Variants in DOK5 observed in about 807,000 individuals in gnomAD.
DOK5 encodes docking protein 5, also known as downstream of tyrosine kinase 5.
Under a neutral mutation model 43.3 loss-of-function variants are expected in DOK5, and 27 were observed. That is an observed-to-expected ratio of 0.62 (90% CI 0.46 to 0.86). DOK5 has a LOEUF of 0.86. Among genes scored for constraint, DOK5 ranks in the 40% least tolerant of loss-of-function variants. DOK5 has a pLI of 0.00. For missense variants in DOK5, 373 were observed against 392.9 expected (o/e 0.95, Z 0.43); for synonymous variants, 146 against 140.1 (o/e 1.04, Z -0.30).
intron 1 of DOK5, among the ~76,000 whole-genome samples, chr20:54,538,396 A>G (rs1357584109): frequency 2.0e-5 from 3 of 152,140 alleles, no homozygotes; most frequent in Admixed American, 2.0e-4. Flanking sequence ...ATGAAGGGGA[A>G]ATCAAGACAC....
intron 5 of DOK5, among the ~76,000 whole-genome samples, chr20:54,606,914 T>A (rs2146789000): frequency 6.6e-6 from 1 of 152,358 alleles, no homozygotes; most frequent in Admixed American, 6.5e-5. Context: ...GAGCTCTTAA[T>A]GCATTTTGTG....
At chr20:54,613,242 ATCTC>A (rs1196798475) in intron 6 of DOK5, among the ~76,000 whole-genome samples, 3 of 146,710 alleles carry the variant, frequency 2.0e-5, no homozygotes, top group Admixed American at 1.4e-4. Flanking sequence ...CTCTCTCGCC[ATCTC>A]TCTCTCTCTC....
intron 7 of DOK5, among the ~76,000 whole-genome samples, chr20:54,649,593 C>T (rs1261346634): frequency 2.0e-5 from 3 of 151,992 alleles, no homozygotes; most frequent in Non-Finnish European, 4.4e-5. Flanking sequence ...TTCACCTAGC[C>T]GTGTACATTT....
intron 5 of DOK5, among the ~76,000 whole-genome samples, chr20:54,600,700 G>GTGAT (rs998014539): frequency 3.3e-5 from 5 of 152,254 alleles, no homozygotes; most frequent in African/African-American, 9.6e-5. Flanking sequence ...GTATGTACGT[G>GTGAT]TGATTGATTG....
At chr20:54,604,108 G>T (rs912559740) in intron 5 of DOK5, among the ~76,000 whole-genome samples, 2 of 151,630 alleles carry the variant, frequency 1.3e-5, no homozygotes, top group Admixed American at 1.3e-4. Context: ...CACCATGCCC[G>T]GCTAATTTTT....
chr20:54,496,891 A>T, intron 1 of DOK5, among the ~76,000 whole-genome samples: 1 of 152,000 alleles, frequency 6.6e-6, no homozygotes, highest in Non-Finnish European at 1.5e-5. Flanking sequence ...GGCAAGTGAG[A>T]TTTCATGATT....
At chr20:54,597,714 T>C (rs1216610672) in intron 5 of DOK5, among the ~76,000 whole-genome samples, 1 of 151,884 alleles carries the variant, frequency 6.6e-6, no homozygotes, top group African/African-American at 2.4e-5. Flanking sequence ...CTTAGTTAAC[T>C]TCTGCAGAGC....
In DOK5 at chr20:54,501,261, A is replaced by T. The variant is rs1401747309; in HGVS notation, c.66+25249A>T. On this transcript the variant is annotated intron_variant, in intron 1 of 7. Transcript: ENST00000262593. ...GGCGGGTGGATCAGGAGGTCAGGAG[A>T]TCGAGACTATCCTGGCTAACACGAT... is the stretch of plus-strand genomic sequence containing the variant. 6.6e-5 allele frequency among the ~76,000 whole-genome samples: 10 copies of T among 152,002 alleles called. No individual in the cohort carries two copies. The South Asian group carries it at 2.1e-3, about 32-fold the overall frequency.
rs1283809662 is a variant in DOK5, at chr20:54,549,715, G to C, written c.67-5218G>C. 6.6e-5 allele frequency among the ~76,000 whole-genome samples: 10 copies of C among 152,080 alleles called. No individual in the cohort carries two copies. In the East Asian group the frequency reaches 1.9e-3, roughly 29 times the overall value. ...TTAGAAATGCTGTCATTGAAGTTTG[G>C]GTCTGAAAACTGAGGGATAGTTAGG... On this transcript the variant is annotated intron_variant, in intron 1 of 7. Transcript: ENST00000262593.
chr20:54,643,872 G>A (rs1979246422), intron 7 of DOK5, among the ~76,000 whole-genome samples: 1 of 152,236 alleles, frequency 6.6e-6, no homozygotes, highest in Non-Finnish European at 1.5e-5. Context: ...ATGTGGCTGA[G>A]CAATCTGCAC....
intron 6 of DOK5, among the ~76,000 whole-genome samples, chr20:54,628,408 CAAAAAAAAAAAAAAAAAAAAAAAAAA>C (rs56730310): frequency 8.5e-5 from 2 of 23,408 alleles, no homozygotes; most frequent in African/African-American, 2.7e-4. Context: ...GACTCCGTCT[CAAAAAAAAAAAAAAAAAAAAAAAAAA>C]AAAAAAAAAA....
intron 6 of DOK5, among the ~76,000 whole-genome samples, chr20:54,619,186 A>G (rs1199622781): frequency 6.9e-6 from 1 of 144,870 alleles, no homozygotes; most frequent in Admixed American, 7.1e-5. Flanking sequence ...AATTCAATGC[A>G]TTGTTATTAT....
chr20:54,650,498 G>T lies in DOK5; in HGVS notation c.*19G>T. 6.2e-7 allele frequency: 1 copy of T among 1,612,566 alleles called. No homozygotes were observed. The highest frequency in any genetic ancestry group is 8.5e-7 in the Non-Finnish European group (1 of 1,178,962). On this transcript the variant is annotated 3_prime_UTR_variant, in exon 8 of 8. Coordinates refer to ENST00000262593, the MANE Select transcript of DOK5 (RefSeq NM_018431.5). ...GCACTGACAGTAACTGCCAAGAATT[G>T]TTAACACACTTGTGATGTGTCAGCC...
At chr20:54,598,757 T>C (rs555605078) in intron 5 of DOK5, among the ~76,000 whole-genome samples, 1 of 152,340 alleles carries the variant, frequency 6.6e-6, no homozygotes, top group African/African-American at 2.4e-5. Context: ...GCCAAAAATA[T>C]GTGAAAATCC....
At chr20:54,620,057 T>TA (rs1986932847) in intron 6 of DOK5, among the ~76,000 whole-genome samples, 1 of 152,206 alleles carries the variant, frequency 6.6e-6, no homozygotes, top group African/African-American at 2.4e-5. Context: ...ATGGATTTTT[T>TA]AAAATGTGCT....
Position 54,535,919 on chromosome 20 carries a change from G to A in DOK5, c.67-19014G>A, listed in dbSNP as rs562514525. On this transcript the variant is annotated intron_variant, in intron 1 of 7. Coordinates refer to ENST00000262593, the MANE Select transcript of DOK5 (RefSeq NM_018431.5). ...TGTTTGGAAATGTCAGGCCTATTCT[G>A]AGGCTTTTGATCCAAGGGCCTCATT... Among the ~76,000 whole-genome samples, 653 of 152,252 alleles carry A rather than the reference G, an allele frequency of 4.3e-3. 4 individuals are homozygous for A. Among genetic ancestry groups the A allele is most frequent in the Non-Finnish European group, 7.5e-3 (512 of 68,026 alleles).
intron 1 of DOK5, among the ~76,000 whole-genome samples, chr20:54,514,206 C>T (rs1301094785): frequency 6.6e-6 from 1 of 152,206 alleles, no homozygotes; most frequent in Non-Finnish European, 1.5e-5. Flanking sequence ...GATGTCACAT[C>T]TTCTGGTTTG....
At chr20:54,509,130 C>T (rs1325720019) in intron 1 of DOK5, among the ~76,000 whole-genome samples, 1 of 152,208 alleles carries the variant, frequency 6.6e-6, no homozygotes, top group Non-Finnish European at 1.5e-5. Context: ...CTTGCCTTGG[C>T]CTCCCAAAGT....
intron 6 of DOK5, among the ~76,000 whole-genome samples, chr20:54,633,574 G>T (rs1375651049): frequency 6.6e-6 from 1 of 152,190 alleles, no homozygotes; most frequent in Non-Finnish European, 1.5e-5. Flanking sequence ...ATGTGTTCAG[G>T]CGTGGATGTG....
Sources: allele counts gnomAD v4.1 joint callset (sites outside exome capture counted in the v4.1 genomes callset), GRCh38; gene constraint gnomAD v4.1.1; transcripts MANE v1.5; gene names NCBI Gene and HGNC (gene_info 2026-07-23, HGNC 2026-07-21).